Variants in HLCS observed in about 807,000 individuals in gnomAD.
HLCS encodes holocarboxylase synthetase.
Under a neutral mutation model 75.0 loss-of-function variants are expected in HLCS, and 53 were observed. That is an observed-to-expected ratio of 0.71 (90% confidence interval 0.57 to 0.89). The LOEUF (loss-of-function observed/expected upper bound fraction) is 0.89, where lower values mean the gene tolerates loss of function less well. Ranked by LOEUF, HLCS falls within the 40% of genes least tolerant of loss-of-function variation. The pLI is 0.00. For missense variants in HLCS, 966 were observed against 1,074.0 expected (o/e 0.90, Z 1.41); for synonymous variants, 431 against 428.6 (o/e 1.01, Z -0.07).
At chr21:36,964,162 T>C (rs2146677861) in intron 1 of HLCS, among the ~76,000 whole-genome samples, 1 of 152,268 alleles carries the variant, frequency 6.6e-6, no homozygotes, top group East Asian at 1.9e-4. Flanking sequence ...GAGGTGGAGA[T>C]TGCAGTGAGC....
chr21:36,761,404 G>GA (rs1210957922), intron 8 of HLCS, among the ~76,000 whole-genome samples: 2 of 152,130 alleles, frequency 1.3e-5, no homozygotes, highest in African/African-American at 4.8e-5. Context: ...TAGGCTGAGA[G>GA]AAAAAATACA....
intron 1 of HLCS, among the ~76,000 whole-genome samples, chr21:36,980,138 C>T (rs1404926353): frequency 6.8e-6 from 1 of 147,188 alleles, no homozygotes; most frequent in Non-Finnish European, 1.5e-5. Context: ...CAGTGAGCTG[C>T]GATCACATCA....
chr21:36,830,861 A>G (rs1026532820), intron 6 of HLCS, among the ~76,000 whole-genome samples: 2 of 147,630 alleles, frequency 1.4e-5, no homozygotes, highest in Non-Finnish European at 3.0e-5. Flanking sequence ...GACACAGGTG[A>G]TCCCTACATC....
chr21:36,965,617 T>C (rs1449781943), intron 1 of HLCS, among the ~76,000 whole-genome samples: 1 of 152,128 alleles, frequency 6.6e-6, no homozygotes, highest in Non-Finnish European at 1.5e-5. Flanking sequence ...GGTGCCCAAG[T>C]TGGTGAATGA....
rs2146525095 is a variant in HLCS, at chr21:36,936,718, C to T, written c.1168G>A (p.Val390Met). 6.2e-7 allele frequency: 1 copy of T among 1,614,236 alleles called. No homozygotes were observed. Among genetic ancestry groups the T allele is most frequent in the Non-Finnish European group, 8.5e-7 (1 of 1,180,048 alleles). ...GTGAAGGATGAAGACAGGCCCAACA[C>T]CTTCCCTCCCTGAGAAAGATAGGCC... is the stretch of plus-strand genomic sequence containing the variant. ...FMAYLSQGGK[V>M]LGLSSSFTFG... Residue 390 changes from valine (V) to methionine (M), a missense_variant, in exon 4 of 11, where the codon GTG (valine) becomes ATG (methionine). Transcript: ENST00000674895.
At chr21:36,917,098 T>C (rs1019324486) in intron 5 of HLCS, among the ~76,000 whole-genome samples, 3 of 152,206 alleles carry the variant, frequency 2.0e-5, no homozygotes, top group African/African-American at 7.2e-5. Flanking sequence ...TTTTCTTCAG[T>C]TCCAATTTTT....
chr21:36,987,132 T>C (rs1415091046), intron 1 of HLCS, among the ~76,000 whole-genome samples: 2 of 152,206 alleles, frequency 1.3e-5, no homozygotes, highest in Non-Finnish European at 2.9e-5. Context: ...AACAAGCCGC[T>C]CCTGACTCAT....
intron 1 of HLCS, chr21:36,972,234 C>G (rs890632168): frequency 6.6e-6 from 1 of 152,158 alleles, no homozygotes; most frequent in Admixed American, 6.5e-5. Context: ...CTACAGACTT[C>G]TATGAGCAAG....
intron 1 of HLCS, among the ~76,000 whole-genome samples, chr21:36,977,057 T>C (rs1195471082): frequency 1.3e-5 from 2 of 152,112 alleles, no homozygotes; most frequent in African/African-American, 4.8e-5. Flanking sequence ...CTGAAAGTTT[T>C]TGCAACTACC....
chr21:36,961,547 G>A (rs2068290785), intron 2 of HLCS, among the ~76,000 whole-genome samples: 1 of 151,944 alleles, frequency 6.6e-6, no homozygotes. Flanking sequence ...TTTTCTAGCA[G>A]CCACATTAAA....
At chr21:36,762,173 A>G (rs1354506742) in intron 8 of HLCS, among the ~76,000 whole-genome samples, 1 of 152,262 alleles carries the variant, frequency 6.6e-6, no homozygotes, top group Admixed American at 6.5e-5. Context: ...GAGACGGAAC[A>G]GGTGCACACA....
Position 36,930,278 on chromosome 21 carries a change from A to C in HLCS, c.1593T>G (p.Thr531=). 1 of 1,614,176 alleles carries C rather than the reference A, an allele frequency of 6.2e-7. No individual in the cohort carries two copies. The highest frequency in any genetic ancestry group is 8.5e-7 in the Non-Finnish European group (1 of 1,180,020). Residue 531 remains threonine (T), a synonymous_variant, in exon 5 of 11, where the codon ACT becomes ACG. Coordinates refer to ENST00000674895, the MANE Select transcript of HLCS (RefSeq NM_001352514.2). ...SCDMKQVPAL[T]PLYLLSAAEE... is the part of the protein sequence containing the mutation. The stretch of plus-strand genomic sequence containing the variant: ...CCGCAGCTGACAGCAAGTAAAGAGG[A>C]GTTAAGGCAGGAACTTGTTTCATGT...
intron 6 of HLCS, among the ~76,000 whole-genome samples, chr21:36,874,052 T>A (rs1275013397): frequency 6.6e-6 from 1 of 152,240 alleles, no homozygotes; most frequent in Non-Finnish European, 1.5e-5. Context: ...AGGTCTATGA[T>A]TCATCTCAAA....
chr21:36,865,574 C>G (rs1486238145), intron 6 of HLCS, among the ~76,000 whole-genome samples: 1 of 152,174 alleles, frequency 6.6e-6, no homozygotes, highest in Non-Finnish European at 1.5e-5. Context: ...CTCTCCTAAA[C>G]ATACCCAGAG....
chr21:36,907,539 C>T (rs183144419), intron 5 of HLCS, among the ~76,000 whole-genome samples: 21 of 152,128 alleles, frequency 1.4e-4, no homozygotes, highest in Middle Eastern at 3.4e-3. Flanking sequence ...ACCTGTAATC[C>T]CAGCTACTTA....
intron 6 of HLCS, among the ~76,000 whole-genome samples, chr21:36,864,864 A>C (rs2146204591): frequency 6.6e-6 from 1 of 152,316 alleles, no homozygotes; most frequent in South Asian, 2.1e-4. Context: ...CATATACCTA[A>C]GTACAGGGAA....
rs142414462 is a variant in HLCS, at chr21:36,821,204, T to C, written c.1893-53919A>G. 2.0e-4 allele frequency among the ~76,000 whole-genome samples: 31 copies of C among 152,236 alleles called. No homozygotes were observed. The East Asian group carries it at 6.0e-3, about 29-fold the overall frequency. On this transcript the variant is annotated intron_variant, in intron 6 of 10. Coordinates refer to ENST00000674895, the MANE Select transcript of HLCS (RefSeq NM_001352514.2). Reference sequence around the variant, plus strand: ...CTTTCACCCCGAGCTGACACCACCTTGGGCAGGGGGCCACAGTGAGGGCTG... The same window carrying C: ...CTTTCACCCCGAGCTGACACCACCTCGGGCAGGGGGCCACAGTGAGGGCTG...
intron 6 of HLCS, among the ~76,000 whole-genome samples, chr21:36,877,322 T>G (rs914904797): frequency 6.6e-6 from 1 of 152,228 alleles, no homozygotes; most frequent in African/African-American, 2.4e-5. Flanking sequence ...TGTGTGTGTT[T>G]CTAGTCCTCT....
intron 1 of HLCS, among the ~76,000 whole-genome samples, chr21:36,985,765 T>TG (rs143500777): frequency 6.7e-6 from 1 of 149,590 alleles, no homozygotes; most frequent in Non-Finnish European, 1.5e-5. Flanking sequence ...GACTTGGTCT[T>TG]GGGGAAAAAA....
Sources: allele counts gnomAD v4.1 joint callset (sites outside exome capture counted in the v4.1 genomes callset), GRCh38; gene constraint gnomAD v4.1.1; transcripts MANE v1.5; gene names NCBI Gene and HGNC (gene_info 2026-07-23, HGNC 2026-07-21).